Variants in XYLT1 observed in about 807,000 individuals in gnomAD.
The protein encoded by XYLT1 is xylosyltransferase 1.
Under a neutral mutation model 91.3 loss-of-function variants are expected in XYLT1, and 36 were observed. That is an observed-to-expected ratio of 0.39 (90% CI 0.30 to 0.52). The LOEUF is 0.52. Ranked by LOEUF, XYLT1 falls within the 20% of genes least tolerant of loss-of-function variation. The pLI is 0.68. For missense variants in XYLT1, 1,242 were observed against 1,284.5 expected, an observed-to-expected ratio of 0.97 and a Z score of 0.51; for synonymous variants, 588 against 532.0, an observed-to-expected ratio of 1.11 and a Z score of -1.45.
intron 5 of XYLT1, among the ~76,000 whole-genome samples, chr16:17,169,085 C>T (rs74010728): frequency 0.012 from 1,808 of 152,314 alleles, 40 homozygotes; most frequent in African/African-American, 0.042. Context: ...CTGTGACAAA[C>T]GCCTGGGACA....
intron 5 of XYLT1, among the ~76,000 whole-genome samples, chr16:17,189,019 T>A (rs1001951828): frequency 6.6e-6 from 1 of 152,118 alleles, no homozygotes; most frequent in Admixed American, 6.5e-5. Context: ...GTCCAACACA[T>A]AGTAGGTGCT....
At chr16:17,153,218 T>C (rs554101114) in intron 6 of XYLT1, among the ~76,000 whole-genome samples, 13 of 152,276 alleles carry the variant, frequency 8.5e-5, no homozygotes, top group African/African-American at 2.9e-4. Context: ...CTCTATGGGA[T>C]TGGTATGATT....
At chr16:17,242,523 CATCTGTGAA>C (rs1286225864) in intron 3 of XYLT1, among the ~76,000 whole-genome samples, 1 of 152,158 alleles carries the variant, frequency 6.6e-6, no homozygotes, top group Non-Finnish European at 1.5e-5. Flanking sequence ...GGAGAATTGT[CATCTGTGAA>C]ATGGGAGAAT....
At chr16:17,207,954 C>T (rs2032686234) in intron 3 of XYLT1, among the ~76,000 whole-genome samples, 1 of 152,170 alleles carries the variant, frequency 6.6e-6, no homozygotes, top group Non-Finnish European at 1.5e-5. Flanking sequence ...TCTTCCCCAT[C>T]CCTTCATTTA....
chr16:17,198,043 T>G, intron 5 of XYLT1, 169 bp downstream of exon 5: 1 of 704,044 alleles, frequency 1.4e-6, no homozygotes, highest in Non-Finnish European at 2.3e-6. Context: ...GTTGAATGCA[T>G]GAATGAATGA....
In XYLT1 at chr16:17,165,599, T is replaced by C. The variant is rs372865458; in HGVS notation, c.1290-6690A>G. Reference sequence around the variant, plus strand: ...TCCCAGCTACTCGGAGGCTGAGGCATGAGAATTGCTTGAACCTGGGAGGCG... The same window carrying C: ...TCCCAGCTACTCGGAGGCTGAGGCACGAGAATTGCTTGAACCTGGGAGGCG... On this transcript the variant is annotated intron_variant, in intron 5 of 11. Coordinates refer to ENST00000261381, the MANE Select transcript of XYLT1 (RefSeq NM_022166.4). 2.2e-3 allele frequency among the ~76,000 whole-genome samples: 338 copies of C among 151,662 alleles called. 3 individuals carry two copies. Among genetic ancestry groups the C allele is most frequent in the African/African-American group, 7.8e-3 (321 of 41,332 alleles).
rs1205660909 is a variant in XYLT1 at position 17,185,124 on chromosome 16, AAGG to A, written c.1289+13085_1289+13087del. ...GGTCTAGGTCACTTCTGGCCTTAAG[AAGG>A]CTTAAAGAGCTGACCAGCCTAAAAT... On this transcript the variant is annotated intron_variant, in intron 5 of 11. Coordinates refer to ENST00000261381, the MANE Select transcript of XYLT1 (RefSeq NM_022166.4). Among the ~76,000 whole-genome samples the A allele has an allele frequency of 3.2e-3, 481 of 152,286 alleles. 2 individuals carry two copies. Among genetic ancestry groups the A allele is most frequent in the African/African-American group, 0.011 (469 of 41,554 alleles).
intron 3 of XYLT1, among the ~76,000 whole-genome samples, chr16:17,212,175 C>T (rs556197653): frequency 8.3e-4 from 127 of 152,348 alleles, no homozygotes; most frequent in African/African-American, 2.9e-3. Flanking sequence ...GAATCAGAAA[C>T]TCTGGGTGTG....
chr16:17,314,871 A>G (rs906968948), intron 2 of XYLT1, among the ~76,000 whole-genome samples: 4 of 152,248 alleles, frequency 2.6e-5, no homozygotes, highest in African/African-American at 7.2e-5. Flanking sequence ...AGAAAAGTTC[A>G]GTCCTGGTAC....
intron 3 of XYLT1, among the ~76,000 whole-genome samples, chr16:17,252,874 C>A (rs1382254230): frequency 2.0e-5 from 3 of 152,192 alleles, no homozygotes; most frequent in Non-Finnish European, 4.4e-5. Context: ...ACACTCTTGG[C>A]TGAAGTTTAG....
At chr16:17,158,771 A>G in intron 6 of XYLT1, 58 bp downstream of exon 6, 1 of 1,588,648 alleles carries the variant, frequency 6.3e-7, no homozygotes, top group South Asian at 1.1e-5. Flanking sequence ...AAAATTCCCC[A>G]AATGATCACT....
chr16:17,283,824 G>A (rs772054327), intron 2 of XYLT1, among the ~76,000 whole-genome samples: 4 of 152,154 alleles, frequency 2.6e-5, no homozygotes, highest in Non-Finnish European at 4.4e-5. Context: ...TGATGGTGAC[G>A]TCTGTGAACA....
At chr16:17,134,076 C>T (rs902514495) in intron 9 of XYLT1, among the ~76,000 whole-genome samples, 5 of 152,130 alleles carry the variant, frequency 3.3e-5, no homozygotes, top group African/African-American at 1.2e-4. Context: ...ACTGCCGGGG[C>T]TGGGTGACGG....
At chr16:17,372,637 C>T (rs551186428) in intron 1 of XYLT1, among the ~76,000 whole-genome samples, 5 of 152,284 alleles carry the variant, frequency 3.3e-5, no homozygotes, top group African/African-American at 7.2e-5. Context: ...TTCAATTATC[C>T]GTTTCCATTC....
chr16:17,207,644 A>G (rs2032677833), intron 3 of XYLT1, among the ~76,000 whole-genome samples: 1 of 152,074 alleles, frequency 6.6e-6, no homozygotes, highest in South Asian at 2.1e-4. Context: ...AGGCACCCCC[A>G]CTTTTCCTTG....
Position 17,409,706 on chromosome 16 carries a change from C to T in XYLT1, c.364-51656G>A, listed in dbSNP as rs1157362567. 4.6e-5 allele frequency among the ~76,000 whole-genome samples: 7 copies of T among 151,854 alleles called. No individual in the cohort carries two copies. The East Asian group carries it at 5.8e-4, about 13-fold the overall frequency. ...CTGGGAGTACAGGTGCCCGCCACCA[C>T]GTCCGACTAATTTTTGTATGTTTAG... is the stretch of plus-strand genomic sequence containing the variant. On this transcript the variant is annotated intron_variant, in intron 1 of 11. Coordinates refer to ENST00000261381, the MANE Select transcript of XYLT1 (RefSeq NM_022166.4).
intron 3 of XYLT1, among the ~76,000 whole-genome samples, chr16:17,205,513 T>C (rs2032626535): frequency 6.6e-6 from 1 of 152,224 alleles, no homozygotes; most frequent in Non-Finnish European, 1.5e-5. Context: ...GTATGTATAA[T>C]CACAGAATCC....
chr16:17,276,067 G>A (rs2033968671), intron 2 of XYLT1, among the ~76,000 whole-genome samples: 1 of 152,170 alleles, frequency 6.6e-6, no homozygotes, highest in South Asian at 2.1e-4. Flanking sequence ...GGGAGAGAGA[G>A]AAAGAAATAG....
intron 3 of XYLT1, among the ~76,000 whole-genome samples, chr16:17,206,013 T>C (rs2032637208): frequency 6.6e-6 from 1 of 152,144 alleles, no homozygotes; most frequent in African/African-American, 2.4e-5. Context: ...GCCCAGCTTC[T>C]ATGCTGCCTG....
Sources: allele counts gnomAD v4.1 joint callset (sites outside exome capture counted in the v4.1 genomes callset), GRCh38; gene constraint gnomAD v4.1.1; transcripts MANE v1.5; gene names NCBI Gene and HGNC (gene_info 2026-07-23, HGNC 2026-07-21).